DLC1: variants seen among roughly 807,000 people sequenced by gnomAD.
DLC1 encodes the protein rho GTPase-activating protein 7.
In DLC1, 54 loss-of-function variants were observed where a neutral mutation model predicts 140.3. That is an observed-to-expected ratio of 0.38 (90% CI 0.31 to 0.48). The LOEUF is 0.48. Among genes scored for constraint, DLC1 ranks in the 20% least tolerant of loss-of-function variants. DLC1 has a pLI of 0.96. For synonymous variants in DLC1, 986 were observed against 728.1 expected, an observed-to-expected ratio of 1.35 and a Z score of -5.70; for missense variants, 2,536 against 1,907.0, an observed-to-expected ratio of 1.33 and a Z score of -6.14.
At chr8:13,410,706 G>C (rs545971632) in intron 2 of DLC1, among the ~76,000 whole-genome samples, 3 of 151,800 alleles carry the variant, frequency 2.0e-5, no homozygotes, top group Admixed American at 2.0e-4. Flanking sequence ...TAAATGGAAA[G>C]ATATATACTT....
chr8:13,156,452 C>T (rs556199642), intron 5 of DLC1, among the ~76,000 whole-genome samples: 1 of 152,186 alleles, frequency 6.6e-6, no homozygotes, highest in Non-Finnish European at 1.5e-5. Context: ...TTACATTGTT[C>T]TGTTGTGTGA....
chr8:13,584,019 C>T (rs916708049), intron 1 of DLC1: 1 of 152,398 alleles, frequency 6.6e-6, no homozygotes, highest in African/African-American at 2.4e-5. Flanking sequence ...GGATTTCTGT[C>T]TGTATGTTCT....
rs35769705 is a variant in DLC1 at position 13,214,649 on chromosome 8, C to A, written c.1348+90620G>T. 8.9e-4 allele frequency: 692 copies of A among 779,718 alleles called. 2 individuals carry two copies. The highest frequency in any genetic ancestry group is 2.3e-3 in the Middle Eastern group (10 of 4,434). 48.3% of individuals were successfully genotyped at this position (779,718 alleles called of 1,614,324 possible). On this transcript the variant is annotated intron_variant, in intron 5 of 17. Transcript: ENST00000276297. Reference sequence around the variant, plus strand: ...GCCTAGGTGATGTTTTCTTCTCCAGCAACATGGAAAAGCCTCTTCTGGGGA... The same window carrying A: ...GCCTAGGTGATGTTTTCTTCTCCAGAAACATGGAAAAGCCTCTTCTGGGGA...
At chr8:13,214,576 TGGCTGC>T in intron 5 of DLC1, 1 of 650,358 alleles carries the variant, frequency 1.5e-6, no homozygotes, top group Non-Finnish European at 2.8e-6. Flanking sequence ...TTTTTTTTTG[TGGCTGC>T]CCGAGGAAAT....
chr8:13,467,413 A>G (rs148917991), intron 2 of DLC1, among the ~76,000 whole-genome samples: 162 of 149,622 alleles, frequency 1.1e-3, no homozygotes, highest in African/African-American at 3.7e-3. Context: ...GTAGCTATCA[A>G]TTTGTTAGGT....
At chr8:13,146,644 T>C (rs930337297) in intron 5 of DLC1, among the ~76,000 whole-genome samples, 3 of 152,118 alleles carry the variant, frequency 2.0e-5, no homozygotes, top group African/African-American at 7.2e-5. Context: ...CACAGGGAGC[T>C]TCCATATTTA....
At chr8:13,595,743 A>G (rs1454679687) in intron 1 of DLC1, among the ~76,000 whole-genome samples, 1 of 152,048 alleles carries the variant, frequency 6.6e-6, no homozygotes, top group Non-Finnish European at 1.5e-5. Context: ...ACACAATGCC[A>G]AAAATTGCCT....
intron 6 of DLC1, among the ~76,000 whole-genome samples, chr8:13,115,091 T>C (rs979061438): frequency 2.0e-5 from 3 of 151,622 alleles, no homozygotes. Flanking sequence ...CCAACCAGAG[T>C]GTGGATATGA....
intron 1 of DLC1, among the ~76,000 whole-genome samples, chr8:13,569,894 T>C (rs1344042354): frequency 3.3e-5 from 5 of 152,126 alleles, no homozygotes; most frequent in Non-Finnish European, 5.9e-5. Flanking sequence ...GCTAAATTTC[T>C]TTATTTGTAT....
rs577297267 is a variant in DLC1, at chr8:13,502,479, C to T, written c.-125-2283G>A. Among the ~76,000 whole-genome samples the T allele has an allele frequency of 2.6e-5, 4 of 152,166 alleles. No homozygotes were observed. In the South Asian group the frequency reaches 8.3e-4, roughly 32 times the overall value. On this transcript the variant is annotated intron_variant, in intron 1 of 17. Coordinates refer to ENST00000276297, the MANE Select transcript of DLC1 (RefSeq NM_182643.3). ...AAAAAAATGAATGTCTGCAAGCTCT[C>T]CTATCCAGTTTCTATTTAAATTTTG...
chr8:13,267,042 G>T (rs923426896), intron 5 of DLC1, among the ~76,000 whole-genome samples: 1 of 152,130 alleles, frequency 6.6e-6, no homozygotes, highest in African/African-American at 2.4e-5. Context: ...ACATGCACGT[G>T]CTAATTTCAT....
chr8:13,317,498 A>G (rs1303583980), intron 4 of DLC1, among the ~76,000 whole-genome samples: 1 of 152,222 alleles, frequency 6.6e-6, no homozygotes, highest in Admixed American at 6.5e-5. Context: ...GCTGGGTAGA[A>G]GATAGGAGAT....
chr8:13,584,786 T>C (rs1400142012), intron 1 of DLC1, among the ~76,000 whole-genome samples: 12 of 152,188 alleles, frequency 7.9e-5, no homozygotes, highest in Non-Finnish European at 1.8e-4. Context: ...CAACAGAAAC[T>C]TTCTTGGAAC....
chr8:13,219,021 C>T lies in DLC1; in HGVS notation c.1348+86248G>A, dbSNP rs11989720. Among the ~76,000 whole-genome samples the T allele has an allele frequency of 5.7e-3, 177 of 31,300 alleles. 20 individuals carry two copies. The highest frequency in any genetic ancestry group is 0.026 in the African/African-American group (149 of 5,842). 20.5% of individuals were successfully genotyped at this position (31,300 alleles called of 152,430 possible). On this transcript the variant is annotated intron_variant, in intron 5 of 17. Transcript: ENST00000276297. The stretch of plus-strand genomic sequence containing the variant: ...ACGAATATAATTATATAATTATATA[C>T]GTATATAATTATGTGAATATAATTA...
At chr8:13,465,845 G>T (rs1296656124) in intron 2 of DLC1, among the ~76,000 whole-genome samples, 3 of 152,046 alleles carry the variant, frequency 2.0e-5, no homozygotes, top group African/African-American at 7.2e-5. Context: ...GGTTCTGTGA[G>T]AACCAATGTC....
chr8:13,460,211 T>C (rs1799595871), intron 2 of DLC1, among the ~76,000 whole-genome samples: 1 of 152,226 alleles, frequency 6.6e-6, no homozygotes, highest in Non-Finnish European at 1.5e-5. Flanking sequence ...AATACACTGC[T>C]TGTCCTCATT....
At chr8:13,482,422 A>AAAGG (rs1554528968) in intron 2 of DLC1, among the ~76,000 whole-genome samples, 2 of 151,644 alleles carry the variant, frequency 1.3e-5, no homozygotes, top group Non-Finnish European at 2.9e-5. Context: ...AAAGATAAAA[A>AAAGG]TAGTTGATGA....
intron 4 of DLC1, among the ~76,000 whole-genome samples, chr8:13,388,559 C>G (rs1836621138): frequency 6.6e-6 from 1 of 151,792 alleles, no homozygotes; most frequent in Non-Finnish European, 1.5e-5. Flanking sequence ...TAATTTGGTT[C>G]CCTTTAAAAA....
At chr8:13,491,117 C>G (rs777212113) in intron 2 of DLC1, among the ~76,000 whole-genome samples, 2 of 147,852 alleles carry the variant, frequency 1.4e-5, no homozygotes, top group Non-Finnish European at 3.0e-5. Flanking sequence ...TATATATATT[C>G]AGATTTAATA....
Sources: gnomAD v4.1 joint callset for allele counts (sites outside exome capture counted in the v4.1 genomes callset) on GRCh38, gnomAD v4.1.1 for gene constraint, MANE v1.5 for transcripts, NCBI Gene and HGNC (gene_info 2026-07-23, HGNC 2026-07-21) for gene names.